The following PTDSS1 variants were observed in gnomAD, a reference collection of about 807,000 sequenced individuals.
PTDSS1 encodes the protein PSS-1.
Under a neutral mutation model 70.5 loss-of-function variants are expected in PTDSS1, and 45 were observed. The observed-to-expected ratio is 0.64, with a 90% CI of 0.50 to 0.82. The LOEUF (loss-of-function observed/expected upper bound fraction) is 0.82, where lower values mean the gene tolerates loss of function less well. Among genes scored for constraint, PTDSS1 ranks in the 40% least tolerant of loss-of-function variants. The probability of loss-of-function intolerance (pLI) is 0.00; values close to 1 mark genes in which losing one functional copy is unlikely to be tolerated. For missense variants in PTDSS1, 417 were observed against 586.1 expected, an observed-to-expected ratio of 0.71 and a Z score of 2.98; for synonymous variants, 188 against 203.8, an observed-to-expected ratio of 0.92 and a Z score of 0.66.
chr8:96,304,242 G>A, intron 7 of PTDSS1, 61 bp downstream of exon 7: 1 of 1,521,912 alleles, frequency 6.6e-7, no homozygotes, highest in African/African-American at 1.4e-5. Flanking sequence ...AAACTTTTTA[G>A]GAATTTAGAG....
intron 4 of PTDSS1, among the ~76,000 whole-genome samples, chr8:96,294,693 T>C (rs141628807): frequency 6.6e-6 from 1 of 152,348 alleles, no homozygotes; most frequent in East Asian, 1.9e-4. Flanking sequence ...TTATGATTTC[T>C]TCTTTAATCC....
chr8:96,329,001 C>T (rs1182217089), intron 10 of PTDSS1, among the ~76,000 whole-genome samples: 1 of 152,198 alleles, frequency 6.6e-6, no homozygotes, highest in Admixed American at 6.5e-5. Context: ...CTCCAATGTT[C>T]ACCTCTCTGA....
chr8:96,278,377 C>A (rs1238608649), intron 2 of PTDSS1, among the ~76,000 whole-genome samples: 1 of 152,170 alleles, frequency 6.6e-6, no homozygotes, highest in Non-Finnish European at 1.5e-5. Flanking sequence ...GGAGTGGACA[C>A]TCAAACAAAA....
intron 9 of PTDSS1, among the ~76,000 whole-genome samples, chr8:96,312,462 CTTTT>C (rs1198340447): frequency 2.2e-5 from 3 of 138,562 alleles, no homozygotes; most frequent in Non-Finnish European, 4.7e-5. Flanking sequence ...CTGTCTCTCT[CTTTT>C]TTTTTTTTTT....
intron 9 of PTDSS1, among the ~76,000 whole-genome samples, chr8:96,317,907 G>GTGTGTGTA (rs1554585824): frequency 1.2e-5 from 1 of 85,142 alleles, no homozygotes; most frequent in Non-Finnish European, 2.6e-5. Context: ...GTGTGTGTGT[G>GTGTGTGTA]TGTGTGTGTG....
At chr8:96,290,108 G>A (rs1810881656) in intron 4 of PTDSS1, among the ~76,000 whole-genome samples, 1 of 152,134 alleles carries the variant, frequency 6.6e-6, no homozygotes, top group South Asian at 2.1e-4. Flanking sequence ...TTAAAATGCA[G>A]TATCTCACTG....
At chr8:96,264,074 A>G (rs1272214588) in intron 1 of PTDSS1, among the ~76,000 whole-genome samples, 3 of 152,202 alleles carry the variant, frequency 2.0e-5, no homozygotes, top group Non-Finnish European at 4.4e-5. Context: ...TGAAGACCAG[A>G]CCTTTCCACA....
At chr8:96,284,019 T>G in intron 2 of PTDSS1, 90 bp from the exon 3 acceptor site, 3 of 1,082,826 alleles carry the variant, frequency 2.8e-6, no homozygotes, top group Non-Finnish European at 4.1e-6. Context: ...CTTTTTCTTC[T>G]TGTTATCTGT....
chr8:96,295,185 G>T lies in PTDSS1; in HGVS notation c.529G>T (p.Ala177Ser), dbSNP rs1423352389. The change falls in exon 5 of 13, where the codon GCC becomes TCC. Residue 177 changes from alanine (A) to serine (S), a missense_variant. Around this residue, in one of 3 missense-constraint regions of PTDSS1, gnomAD observed 272 missense variants for 429.5 expected, o/e 0.63. Coordinates refer to ENST00000517309, the MANE Select transcript of PTDSS1 (RefSeq NM_014754.3). Reference sequence around the variant, plus strand: ...TGCATTTGGACATTTCTGGGGCTGGGCCATGAAGGCCTTGCTGATCCGTAG... The same window carrying T: ...TGCATTTGGACATTTCTGGGGCTGGTCCATGAAGGCCTTGCTGATCCGTAG... ...IFAFGHFWGW[A>S]MKALLIRSYG... The T allele has an allele frequency of 1.2e-6, 2 of 1,614,048 alleles. No homozygotes were observed. The highest frequency in any genetic ancestry group is 2.7e-5 in the African/African-American group (2 of 74,930).
At chr8:96,278,809 C>A (rs1020961054) in intron 2 of PTDSS1, among the ~76,000 whole-genome samples, 23 of 151,958 alleles carry the variant, frequency 1.5e-4, no homozygotes, top group African/African-American at 5.3e-4. Flanking sequence ...ACCACGCCCC[C>A]AAAACCAGCC....
At chr8:96,332,258 A>T (rs2130191460) in intron 12 of PTDSS1, among the ~76,000 whole-genome samples, 1 of 152,322 alleles carries the variant, frequency 6.6e-6, no homozygotes, top group Non-Finnish European at 1.5e-5. Context: ...ATTTCATTGG[A>T]CAGTAATTCC....
chr8:96,304,041 G>A lies in PTDSS1; in HGVS notation c.754G>A (p.Asp252Asn). 6.2e-7 allele frequency: 1 copy of A among 1,605,692 alleles called. No individual in the cohort carries two copies. Among genetic ancestry groups the A allele is most frequent in the Non-Finnish European group, 8.5e-7 (1 of 1,177,650 alleles). ...MRTYHWASFK[D>N]IHTTTGKIKR... ...ACTGGAGCCATTCTCTTCTTACAGG[G>A]ACATTCATACCACCACCGGGAAGAT... The change falls in exon 7 of 13, where the codon GAC becomes AAC. Residue 252 changes from aspartate (D) to asparagine (N), a missense_variant and splice_region_variant. Physicochemically the swap from Asp to Asn is conservative, Grantham distance 23. This residue lies in a region of PTDSS1 where 272 missense variants were observed against 429.5 expected (regional missense o/e 0.63). Coordinates refer to ENST00000517309, the MANE Select transcript of PTDSS1 (RefSeq NM_014754.3).
chr8:96,289,397 A>G (rs1036631762), intron 4 of PTDSS1, among the ~76,000 whole-genome samples: 9 of 152,198 alleles, frequency 5.9e-5, no homozygotes, highest in Non-Finnish European at 7.4e-5. Context: ...TCACCCAGGA[A>G]ACTCCAAGGA....
chr8:96,270,898 T>G (rs1326505710), intron 1 of PTDSS1, among the ~76,000 whole-genome samples: 1 of 152,236 alleles, frequency 6.6e-6, no homozygotes, highest in Non-Finnish European at 1.5e-5. Flanking sequence ...TCATTGGTTT[T>G]ACAACCTAAT....
chr8:96,311,819 G>A (rs1241569150), intron 9 of PTDSS1, among the ~76,000 whole-genome samples: 2 of 152,224 alleles, frequency 1.3e-5, no homozygotes, highest in Admixed American at 1.3e-4. Context: ...CAGCGCAGAG[G>A]TGGCGCTCCC....
At position 96,262,139 on chromosome 8, in the gene PTDSS1, C is replaced by T. The variant is rs1563555972; in HGVS notation, c.99C>T (p.Thr33=). ...MINEQQVEDI[T]IDFFYRPHTI... ...ACGAGCAGCAAGTGGAGGACATCAC[C>T]ATTGACTTCTTCTACCGGCCGCATA... The change falls in exon 1 of 13, where the codon ACC becomes ACT. Residue 33 remains threonine (T), a synonymous_variant. Transcript: ENST00000517309. The surrounding 1 kb of genome is among the most constrained non-coding windows in gnomAD (Gnocchi z 4.4). 6.2e-7 allele frequency: 1 copy of T among 1,613,976 alleles called. No individual in the cohort carries two copies. The highest frequency in any genetic ancestry group is 8.5e-7 in the Non-Finnish European group (1 of 1,179,866).
chr8:96,306,382 G>A, intron 7 of PTDSS1, 62 bp from the exon 8 acceptor site: 1 of 1,129,884 alleles, frequency 8.9e-7, no homozygotes, highest in Non-Finnish European at 1.3e-6. Context: ...GTCTATTTAA[G>A]GAATAGAGGA....
intron 9 of PTDSS1, among the ~76,000 whole-genome samples, chr8:96,318,902 C>CCTT (rs1811333549): frequency 2.2e-5 from 1 of 46,168 alleles, no homozygotes; most frequent in Non-Finnish European, 3.9e-5. Context: ...CCCTTCTTGC[C>CCTT]TTTTTTTTTT....
chr8:96,328,074 C>G (rs1050216653), intron 10 of PTDSS1, among the ~76,000 whole-genome samples: 5 of 152,218 alleles, frequency 3.3e-5, no homozygotes, highest in African/African-American at 1.2e-4. Flanking sequence ...TCGTTCTCCA[C>G]TTGCCTGCTG....
Sources: gnomAD v4.1 joint callset for allele counts (sites outside exome capture counted in the v4.1 genomes callset) on GRCh38, gnomAD v4.1.1 for gene constraint, gnomAD v4.1.1 regional missense constraint, Gnocchi (gnomAD v3.1) non-coding constraint, MANE v1.5 for transcripts, NCBI Gene and HGNC (gene_info 2026-07-23, HGNC 2026-07-21) for gene names.